ARHGAP17: variants seen among roughly 807,000 people sequenced by gnomAD.
ARHGAP17 encodes Rho GTPase activating protein 17.
A neutral mutation model predicts 99.5 loss-of-function variants in ARHGAP17; 57 were observed. That is an observed-to-expected ratio of 0.57 (90% confidence interval 0.46 to 0.71). The LOEUF (loss-of-function observed/expected upper bound fraction) is 0.71, where lower values mean the gene tolerates loss of function less well. ARHGAP17 is among the 30% of genes least tolerant of loss of function. The pLI is 0.00. For missense variants in ARHGAP17, 1,000 were observed against 1,122.4 expected, an observed-to-expected ratio of 0.89 and a Z score of 1.56; for synonymous variants, 417 against 429.6, an observed-to-expected ratio of 0.97 and a Z score of 0.36.
At chr16:24,965,904 A>G (rs2052167076) in intron 6 of ARHGAP17, among the ~76,000 whole-genome samples, 1 of 152,216 alleles carries the variant, frequency 6.6e-6, no homozygotes, top group Admixed American at 6.5e-5. Context: ...TCTCCAGGGA[A>G]AAGCAAGAAG....
intron 1 of ARHGAP17, among the ~76,000 whole-genome samples, chr16:24,982,502 T>C (rs1169374902): frequency 1.3e-5 from 2 of 152,332 alleles, no homozygotes; most frequent in East Asian, 3.9e-4. Flanking sequence ...TGACAAATCA[T>C]GACTATGGAG....
chr16:24,962,542 T>C (rs1403703109), intron 7 of ARHGAP17, among the ~76,000 whole-genome samples: 2 of 152,168 alleles, frequency 1.3e-5, no homozygotes, highest in Admixed American at 6.6e-5. Flanking sequence ...AACCCCAAAC[T>C]GATTTAAGTT....
chr16:24,984,982 A>G (rs1315346009), intron 1 of ARHGAP17, among the ~76,000 whole-genome samples: 1 of 152,206 alleles, frequency 6.6e-6, no homozygotes, highest in Non-Finnish European at 1.5e-5. Context: ...CCAATCCCAT[A>G]TCCCAAAGGG....
At chr16:24,981,785 GT>G (rs1228690396) in intron 1 of ARHGAP17, among the ~76,000 whole-genome samples, 1 of 152,130 alleles carries the variant, frequency 6.6e-6, no homozygotes, top group Non-Finnish European at 1.5e-5. Context: ...ATGGCCAGGG[GT>G]GAAGTGTGCC....
At chr16:24,992,317 C>T (rs984293224) in intron 1 of ARHGAP17, among the ~76,000 whole-genome samples, 1 of 152,064 alleles carries the variant, frequency 6.6e-6, no homozygotes, top group Non-Finnish European at 1.5e-5. Context: ...TGGCCAATGA[C>T]ACATAGCTAT....
intron 1 of ARHGAP17, among the ~76,000 whole-genome samples, chr16:24,982,702 G>T (rs1197037683): frequency 2.6e-5 from 4 of 151,930 alleles, no homozygotes; most frequent in Non-Finnish European, 4.4e-5. Flanking sequence ...GTTTTGCAGT[G>T]TTCACCTTTA....
intron 7 of ARHGAP17, among the ~76,000 whole-genome samples, chr16:24,960,770 T>C (rs1388086004): frequency 6.8e-6 from 1 of 147,062 alleles, no homozygotes; most frequent in Non-Finnish European, 1.5e-5. Context: ...TGAGCCAAGA[T>C]TGTGCCACTG....
intron 17 of ARHGAP17, among the ~76,000 whole-genome samples, chr16:24,938,256 C>A (rs2051196654): frequency 6.6e-6 from 1 of 151,734 alleles, no homozygotes; most frequent in Admixed American, 6.6e-5. Context: ...CCCAGCTACT[C>A]CGGAGGCTGA....
intron 1 of ARHGAP17, among the ~76,000 whole-genome samples, chr16:25,006,960 G>GAAC (rs900679898): frequency 2.0e-5 from 3 of 152,170 alleles, no homozygotes; most frequent in Non-Finnish European, 4.4e-5. Flanking sequence ...TCACCCAGGG[G>GAAC]AACGGTCTGA....
At chr16:24,932,403 C>T (rs866501362) in intron 18 of ARHGAP17, among the ~76,000 whole-genome samples, 3 of 152,164 alleles carry the variant, frequency 2.0e-5, no homozygotes, top group African/African-American at 2.4e-5. Flanking sequence ...CCCAATGACA[C>T]GGAAGTGCTG....
Position 24,945,547 on chromosome 16 carries a change from C to A in ARHGAP17, c.1242-1685G>T, listed in dbSNP as rs560829985. ...GGCCTACATGAGGACACTGGGTTCC[C>A]AAGCTCAATCCCAGGTCTGACTGCC... On this transcript the variant is annotated intron_variant, in intron 14 of 19. Coordinates refer to ENST00000289968, the MANE Select transcript of ARHGAP17 (RefSeq NM_001006634.3). Among the ~76,000 whole-genome samples, 34 of 152,252 alleles carry A rather than the reference C, an allele frequency of 2.2e-4. 1 individual carries two copies. In the Middle Eastern group the frequency reaches 0.01, roughly 46 times the overall value.
intron 3 of ARHGAP17, 142 bp from the exon 4 acceptor site, chr16:24,970,722 T>C: frequency 1.4e-6 from 1 of 722,040 alleles, no homozygotes; most frequent in South Asian, 1.7e-5. Context: ...CAGGTTCTGG[T>C]CTCACAGATA....
chr16:25,008,383 TTAC>T (rs1307174864), intron 1 of ARHGAP17, among the ~76,000 whole-genome samples: 10 of 152,230 alleles, frequency 6.6e-5, no homozygotes, highest in African/African-American at 2.4e-4. Context: ...ATGCATATTA[TTAC>T]TTTTAGAAAA....
chr16:24,953,133 C>G, intron 10 of ARHGAP17, 91 bp from the exon 11 acceptor site: 1 of 1,132,604 alleles, frequency 8.8e-7, no homozygotes, highest in Non-Finnish European at 1.3e-6. Flanking sequence ...TCCTGACTTC[C>G]GCTCACCTCC....
intron 19 of ARHGAP17, among the ~76,000 whole-genome samples, chr16:24,929,401 A>T (rs2050923270): frequency 6.6e-6 from 1 of 152,202 alleles, no homozygotes; most frequent in Non-Finnish European, 1.5e-5. Context: ...CTACTCCTCG[A>T]ATTTGAAGCA....
chr16:24,919,939 A>T lies in ARHGAP17; in HGVS notation c.*191T>A. ...AAGAAAGCCAACTTCTTCAAGACAC[A>T]GGTCATTCAGCTTTAGTGGTGGCCT... On this transcript the variant is annotated 3_prime_UTR_variant, in exon 20 of 20. Coordinates refer to ENST00000289968, the MANE Select transcript of ARHGAP17 (RefSeq NM_001006634.3). 1.4e-6 allele frequency: 1 copy of T among 703,732 alleles called. No individual in the cohort carries two copies. Among genetic ancestry groups the T allele is most frequent in the Non-Finnish European group, 2.2e-6 (1 of 463,914 alleles). The allele number at this position is 703,732 out of a possible 1,614,324, so 43.6% of individuals were successfully genotyped here. A position where few individuals can be genotyped will look rare whatever the true frequency, so the allele number is the denominator to read the frequency against.
At chr16:24,952,861 A>C (rs1158986987) in intron 11 of ARHGAP17, 70 bp downstream of exon 11, 1 of 1,408,288 alleles carries the variant, frequency 7.1e-7, no homozygotes, top group East Asian at 2.3e-5. Flanking sequence ...TTAACTGACC[A>C]TCTGTCTGAG....
At chr16:24,982,992 ATATATTTTT>A (rs1382197678) in intron 1 of ARHGAP17, among the ~76,000 whole-genome samples, 10 of 28,758 alleles carry the variant, frequency 3.5e-4, no homozygotes, top group East Asian at 7.8e-4. Context: ...ATATATATAT[ATATATTTTT>A]TTTTTTTTTT....
At chr16:24,995,210 T>C (rs2053159387) in intron 1 of ARHGAP17, among the ~76,000 whole-genome samples, 1 of 152,156 alleles carries the variant, frequency 6.6e-6, no homozygotes, top group Non-Finnish European at 1.5e-5. Context: ...CAATTCAAGA[T>C]GAGATTTGAG....
Sources: allele counts gnomAD v4.1 joint callset (sites outside exome capture counted in the v4.1 genomes callset), GRCh38; gene constraint gnomAD v4.1.1; transcripts MANE v1.5; gene names NCBI Gene and HGNC (gene_info 2026-07-23, HGNC 2026-07-21).